MAN1A1: variants seen among roughly 807,000 people sequenced by gnomAD.
MAN1A1 encodes the protein mannosyl-oligosaccharide 1,2-alpha-mannosidase IA.
A neutral mutation model predicts 70.8 loss-of-function variants in MAN1A1; 29 were observed. That is an observed-to-expected ratio of 0.41 (90% CI 0.31 to 0.56). The LOEUF (loss-of-function observed/expected upper bound fraction) is 0.56, where lower values mean the gene tolerates loss of function less well. Among genes scored for constraint, MAN1A1 ranks in the 20% least tolerant of loss-of-function variants. The pLI, the probability that MAN1A1 is intolerant of heterozygous loss-of-function variation, is 0.29. For synonymous variants in MAN1A1, 349 were observed against 330.1 expected, an observed-to-expected ratio of 1.06 and a Z score of -0.62; for missense variants, 747 against 841.3, an observed-to-expected ratio of 0.89 and a Z score of 1.39.
chr6:119,233,884 C>T (rs559478206), intron 6 of MAN1A1, among the ~76,000 whole-genome samples: 80 of 152,302 alleles, frequency 5.3e-4, no homozygotes, highest in African/African-American at 1.9e-3. Context: ...TTTTAAAATC[C>T]AAAACCTTTG....
chr6:119,348,915 A>T lies in MAN1A1; in HGVS notation c.151T>A (p.Phe51Ile). The T allele has an allele frequency of 6.5e-7, 1 of 1,534,576 alleles. No individual in the cohort carries two copies. The highest frequency in any genetic ancestry group is 2.0e-5 in the Admixed American group (1 of 50,034). ...KFVLLLVFSAFITLCFGAIFF... is the reference protein window; with the variant it reads ...KFVLLLVFSAIITLCFGAIFF... ...ATCGCCCCGAAGCAGAGCGTGATGA[A>T]GGCGCTGAATACCAGCAGCAGCACG... is the stretch of plus-strand genomic sequence containing the variant. The change falls in exon 2 of 13, where the codon TTC becomes ATC. Residue 51 changes from phenylalanine (F) to isoleucine (I), a missense_variant. Physicochemically the swap from Phe to Ile is conservative, Grantham distance 21. Coordinates refer to ENST00000368468, the MANE Select transcript of MAN1A1 (RefSeq NM_005907.4).
At chr6:119,259,495 T>C (rs977527424) in intron 5 of MAN1A1, among the ~76,000 whole-genome samples, 2 of 152,242 alleles carry the variant, frequency 1.3e-5, no homozygotes, top group Admixed American at 6.5e-5. Context: ...TTTTTCATTC[T>C]ATTTAAGCAA....
intron 5 of MAN1A1, among the ~76,000 whole-genome samples, chr6:119,261,574 C>T (rs1323515132): frequency 6.6e-6 from 1 of 152,136 alleles, no homozygotes. Context: ...ATAACTTCCA[C>T]TCCTCTTCAA....
chr6:119,184,323 C>T (rs1224970803), intron 11 of MAN1A1, among the ~76,000 whole-genome samples: 1 of 152,102 alleles, frequency 6.6e-6, no homozygotes, highest in Admixed American at 6.5e-5. Context: ...TAGCAGAGAA[C>T]AGGATATGAG....
chr6:119,207,972 G>T (rs767856575), intron 6 of MAN1A1, among the ~76,000 whole-genome samples: 15 of 152,006 alleles, frequency 9.9e-5, no homozygotes, highest in Non-Finnish European at 1.9e-4. Context: ...GTGTTATCTG[G>T]TCTATTTTAT....
At chr6:119,239,612 G>C (rs567413425) in intron 6 of MAN1A1, among the ~76,000 whole-genome samples, 1 of 152,186 alleles carries the variant, frequency 6.6e-6, no homozygotes, top group Non-Finnish European at 1.5e-5. Context: ...AAAGTGCCTT[G>C]ATACCTGCGC....
chr6:119,233,852 A>G (rs1256522872), intron 6 of MAN1A1, among the ~76,000 whole-genome samples: 1 of 152,244 alleles, frequency 6.6e-6, no homozygotes, highest in Non-Finnish European at 1.5e-5. Flanking sequence ...TATGAGTTAT[A>G]GAGTGCCACC....
chr6:119,210,748 C>T (rs561237264), intron 6 of MAN1A1: 5 of 196,568 alleles, frequency 2.5e-5, no homozygotes, highest in African/African-American at 4.7e-5. Context: ...AAAATGTCTA[C>T]AAAGATGCCA....
At chr6:119,267,665 T>C (rs12209570) in intron 5 of MAN1A1, among the ~76,000 whole-genome samples, 52,356 of 151,726 alleles carry the variant, frequency 0.35, 9,309 homozygotes, top group East Asian at 0.55. Context: ...AGAAACCCTA[T>C]GTGGGCCTTG....
intron 6 of MAN1A1, among the ~76,000 whole-genome samples, chr6:119,229,128 C>T (rs978166008): frequency 6.6e-6 from 1 of 150,520 alleles, no homozygotes; most frequent in Non-Finnish European, 1.5e-5. Flanking sequence ...AACTTTATTA[C>T]TAGGGTAATG....
intron 4 of MAN1A1, 139 bp from the exon 5 acceptor site, chr6:119,290,902 T>A (rs1776520741): frequency 1.7e-6 from 1 of 585,882 alleles, no homozygotes; most frequent in Non-Finnish European, 3.0e-6. Context: ...GGAAATGTTC[T>A]CCCTTTTAAA....
At chr6:119,225,485 C>T (rs1774487951) in intron 6 of MAN1A1, among the ~76,000 whole-genome samples, 1 of 151,964 alleles carries the variant, frequency 6.6e-6, no homozygotes, top group Admixed American at 6.6e-5. Flanking sequence ...GAGGTACTGG[C>T]TAAAAACTCC....
intron 6 of MAN1A1, among the ~76,000 whole-genome samples, chr6:119,233,871 T>A (rs1774761781): frequency 6.6e-6 from 1 of 152,194 alleles, no homozygotes; most frequent in African/African-American, 2.4e-5. Flanking sequence ...CCAATGCAAT[T>A]AATTTTAAAA....
intron 6 of MAN1A1, among the ~76,000 whole-genome samples, chr6:119,240,897 G>A (rs1774985898): frequency 6.6e-6 from 1 of 152,186 alleles, no homozygotes; most frequent in Non-Finnish European, 1.5e-5. Flanking sequence ...GATCACAGAA[G>A]TGACCTCTGT....
intron 6 of MAN1A1, among the ~76,000 whole-genome samples, chr6:119,209,359 T>C (rs945807054): frequency 1.3e-5 from 2 of 152,208 alleles, no homozygotes; most frequent in Non-Finnish European, 2.9e-5. Flanking sequence ...TTCTTGAGAA[T>C]TCTGGTTTGA....
chr6:119,206,934 A>C (rs560333792), intron 6 of MAN1A1, among the ~76,000 whole-genome samples: 1 of 152,356 alleles, frequency 6.6e-6, no homozygotes, highest in African/African-American at 2.4e-5. Context: ...AGTGTTGAGG[A>C]AGCCCAGCCC....
intron 6 of MAN1A1, among the ~76,000 whole-genome samples, chr6:119,224,258 T>C (rs751805697): frequency 2.0e-5 from 3 of 152,170 alleles, no homozygotes; most frequent in Non-Finnish European, 4.4e-5. Flanking sequence ...TAGACAAGAT[T>C]TCATGTTTGC....
At chr6:119,264,351 T>C (rs1775690955) in intron 5 of MAN1A1, among the ~76,000 whole-genome samples, 1 of 152,230 alleles carries the variant, frequency 6.6e-6, no homozygotes, top group Non-Finnish European at 1.5e-5. Context: ...AACAATACTT[T>C]AATCAAAATA....
At chr6:119,243,874 A>G (rs1649882835) in intron 6 of MAN1A1, among the ~76,000 whole-genome samples, 1 of 152,084 alleles carries the variant, frequency 6.6e-6, no homozygotes, top group African/African-American at 2.4e-5. Flanking sequence ...GTCATTTCCT[A>G]TACACACCTT....
Sources: allele counts gnomAD v4.1 joint callset (sites outside exome capture counted in the v4.1 genomes callset), GRCh38; gene constraint gnomAD v4.1.1; transcripts MANE v1.5; gene names NCBI Gene and HGNC (gene_info 2026-07-23, HGNC 2026-07-21).